TULP4: variants seen among roughly 807,000 people sequenced by gnomAD.
TULP4 encodes tubby-related protein 4.
Under a neutral mutation model 129.0 loss-of-function variants are expected in TULP4, and 16 were observed. The ratio of observed to expected loss-of-function variants is 0.12; its 90% CI spans 0.08 to 0.19. The LOEUF is 0.19. Ranked by LOEUF, TULP4 falls within the 10% of genes least tolerant of loss-of-function variation. The probability of loss-of-function intolerance (pLI) is 1.00; values close to 1 mark genes in which losing one functional copy is unlikely to be tolerated. For missense variants in TULP4, 1,842 were observed against 2,059.1 expected (o/e 0.89, Z 2.04); for synonymous variants, 998 against 854.0 (o/e 1.17, Z -2.94).
intron 12 of TULP4, among the ~76,000 whole-genome samples, chr6:158,500,677 G>A (rs976020005): frequency 6.6e-6 from 1 of 152,174 alleles, no homozygotes. Flanking sequence ...TCAAATGCAC[G>A]CACGCTCTGT....
chr6:158,458,916 G>A (rs1485823735), intron 5 of TULP4, among the ~76,000 whole-genome samples: 1 of 152,126 alleles, frequency 6.6e-6, no homozygotes, highest in Admixed American at 6.6e-5. Flanking sequence ...TTATGAGATA[G>A]CCTGTGTCCC....
At chr6:158,276,271 G>A (rs924072858) in intron 1 of TULP4, among the ~76,000 whole-genome samples, 1 of 151,428 alleles carries the variant, frequency 6.6e-6, no homozygotes, top group East Asian at 1.9e-4. Flanking sequence ...CGCCCGGCTG[G>A]GAGACTTTTT....
At chr6:158,490,260 G>A (rs1780170251) in intron 9 of TULP4, among the ~76,000 whole-genome samples, 2 of 152,140 alleles carry the variant, frequency 1.3e-5, no homozygotes, top group African/African-American at 2.4e-5. Flanking sequence ...GCCAGGCGTG[G>A]TGGCGGGTGC....
intron 2 of TULP4, among the ~76,000 whole-genome samples, chr6:158,419,086 G>C (rs759157768): frequency 6.6e-6 from 1 of 152,146 alleles, no homozygotes; most frequent in Non-Finnish European, 1.5e-5. Flanking sequence ...CAGTATAATT[G>C]GTTGGAACAT....
At chr6:158,439,539 G>T (rs1047972101) in intron 3 of TULP4, among the ~76,000 whole-genome samples, 23 of 151,946 alleles carry the variant, frequency 1.5e-4, no homozygotes, top group Non-Finnish European at 2.8e-4. Context: ...CTCCTTCCAG[G>T]AGCCTGCTGG....
intron 1 of TULP4, among the ~76,000 whole-genome samples, chr6:158,407,843 G>T (rs1479416768): frequency 6.6e-6 from 1 of 152,152 alleles, no homozygotes. Flanking sequence ...GGGGTTGGTT[G>T]GTGGTAGCTA....
At chr6:158,500,362 G>C (rs986390931) in intron 12 of TULP4, among the ~76,000 whole-genome samples, 2 of 152,300 alleles carry the variant, frequency 1.3e-5, no homozygotes, top group Non-Finnish European at 2.9e-5. Flanking sequence ...TGTGGCCAGG[G>C]GAGAGTTATG....
rs262818 is a variant in TULP4, at chr6:158,232,960, C to G, written n.68+657C>G. 1.2e-3 allele frequency among the ~76,000 whole-genome samples: 178 copies of G among 152,376 alleles called. 1 individual carries two copies. Among genetic ancestry groups the G allele is most frequent in the Non-Finnish European group, 1.4e-3 (96 of 68,040 alleles). ...TTTCCTCTGGCAAATCACGGAGATT[C>G]TGTTCCGAGCACCAACCCTTCCTCT... On this transcript the variant is annotated intron_variant and non_coding_transcript_variant, in intron 1 of 1. Transcript: ENST00000620026.
chr6:158,295,280 G>C (rs908232705), intron 1 of TULP4, among the ~76,000 whole-genome samples: 1 of 152,044 alleles, frequency 6.6e-6, no homozygotes, highest in Non-Finnish European at 1.5e-5. Flanking sequence ...ACCTTAGCTT[G>C]AGAACTAAAA....
At chr6:158,376,601 C>T (rs1413747440) in intron 1 of TULP4, among the ~76,000 whole-genome samples, 1 of 152,202 alleles carries the variant, frequency 6.6e-6, no homozygotes. Context: ...TTCAGTGTCA[C>T]AATTGAAGAA....
At chr6:158,292,710 A>G (rs1303499511) in intron 1 of TULP4, among the ~76,000 whole-genome samples, 2 of 152,148 alleles carry the variant, frequency 1.3e-5, no homozygotes, top group African/African-American at 4.8e-5. Flanking sequence ...TGATTATCTC[A>G]TATTTTTCCC....
At chr6:158,266,193 C>G (rs1055226400) in intron 1 of TULP4, among the ~76,000 whole-genome samples, 18 of 152,114 alleles carry the variant, frequency 1.2e-4, no homozygotes, top group African/African-American at 3.9e-4. Flanking sequence ...ATAGCATAAG[C>G]ATTTTTCATG....
chr6:158,488,360 T>C, intron 8 of TULP4, among the ~76,000 whole-genome samples: 1 of 152,194 alleles, frequency 6.6e-6, no homozygotes, highest in East Asian at 1.9e-4. Context: ...CATTAAGCCT[T>C]TTTATTTGCT....
intron 1 of TULP4, among the ~76,000 whole-genome samples, chr6:158,302,797 A>T (rs1204164710): frequency 1.3e-5 from 2 of 152,018 alleles, no homozygotes; most frequent in African/African-American, 2.4e-5. Flanking sequence ...TGTAAGAGTT[A>T]TGTGGAATAT....
At position 158,481,210 on chromosome 6, in the gene TULP4, G is replaced by GC; in HGVS notation, c.1410dup (p.Ile471HisfsTer23). ...ACCTGGAGTACCTGGGCGGGCTTGT[G>GC]CCCATCCTCAAAGGGCGGCGCATCA... On this transcript the variant is annotated frameshift_variant, in exon 8 of 14. Transcript: ENST00000367097. LOFTEE classifies it high-confidence loss of function. 1 of 1,614,244 alleles carries GC rather than the reference G, an allele frequency of 6.2e-7. No homozygotes were observed.
intron 1 of TULP4, among the ~76,000 whole-genome samples, chr6:158,327,769 C>T (rs535495226): frequency 6.6e-6 from 1 of 151,724 alleles, no homozygotes; most frequent in East Asian, 2.0e-4. Context: ...TGAATCTCCC[C>T]ACCACCACCC....
At chr6:158,421,396 GA>G (rs1013669838) in intron 2 of TULP4, among the ~76,000 whole-genome samples, 2 of 139,686 alleles carry the variant, frequency 1.4e-5, no homozygotes, top group African/African-American at 4.9e-5. Context: ...GTTTGGTCCA[GA>G]AAGGCAGAAC....
intron 2 of TULP4, among the ~76,000 whole-genome samples, chr6:158,416,057 T>C (rs1257077400): frequency 6.6e-6 from 1 of 152,200 alleles, no homozygotes; most frequent in Admixed American, 6.5e-5. Flanking sequence ...GCTGAGGAAC[T>C]TGGAGTCTGA....
intron 4 of TULP4, 109 bp downstream of exon 4, chr6:158,449,285 G>A (rs553729469): frequency 2.8e-5 from 32 of 1,163,164 alleles, no homozygotes; most frequent in South Asian, 9.2e-5. Context: ...CCACACCTAC[G>A]GCACCCGGGC....
Sources: gnomAD v4.1 joint callset for allele counts (sites outside exome capture counted in the v4.1 genomes callset) on GRCh38, gnomAD v4.1.1 for gene constraint, MANE v1.5 for transcripts, NCBI Gene and HGNC (gene_info 2026-07-23, HGNC 2026-07-21) for gene names.